Variants in ST8SIA4 observed in about 807,000 individuals in gnomAD.
The protein encoded by ST8SIA4 is CMP-N-acetylneuraminate-poly-alpha-2,8-sialyltransferase.
ST8SIA4 carries 15 observed loss-of-function variants against 33.9 expected under a neutral mutation model. The ratio of observed to expected loss-of-function variants is 0.44; its 90% confidence interval spans 0.30 to 0.68. The LOEUF is 0.68. ST8SIA4 is among the 30% of genes least tolerant of loss of function. The pLI is 0.10. For synonymous variants in ST8SIA4, 171 were observed against 151.2 expected (o/e 1.13, Z -0.96); for missense variants, 321 against 428.0 (o/e 0.75, Z 2.21).
intron 3 of ST8SIA4, among the ~76,000 whole-genome samples, chr5:100,879,563 T>A (rs988127288): frequency 6.6e-6 from 1 of 152,204 alleles, no homozygotes; most frequent in African/African-American, 2.4e-5. Context: ...AGATTTCAGA[T>A]GTGCACATGT....
At chr5:100,885,463 ATTCAAAAAT>A in intron 3 of ST8SIA4, 2 of 938,036 alleles carry the variant, frequency 2.1e-6, no homozygotes, top group Non-Finnish European at 2.5e-6. Context: ...TATTCAAAAT[ATTCAAAAAT>A]AATGTATTCC....
chr5:100,816,168 G>T (rs554403472), intron 4 of ST8SIA4, among the ~76,000 whole-genome samples: 1 of 152,062 alleles, frequency 6.6e-6, no homozygotes, highest in African/African-American at 2.4e-5. Context: ...CTTATTCCTT[G>T]TCTCCTTCCT....
intron 4 of ST8SIA4, among the ~76,000 whole-genome samples, chr5:100,840,513 A>AT (rs575386357): frequency 6.5e-4 from 98 of 151,856 alleles, no homozygotes; most frequent in African/African-American, 2.3e-3. Context: ...TGGTTAGAAA[A>AT]TCCCCAATCA....
chr5:100,850,799 AAC>A (rs200570378), intron 4 of ST8SIA4, among the ~76,000 whole-genome samples: 1 of 101,282 alleles, frequency 9.9e-6, no homozygotes, highest in African/African-American at 2.8e-5. Flanking sequence ...ATATATATAT[AAC>A]ATGTGTGTGT....
chr5:100,851,017 T>C (rs1163891056), intron 4 of ST8SIA4, among the ~76,000 whole-genome samples: 1 of 141,190 alleles, frequency 7.1e-6, no homozygotes, highest in Non-Finnish European at 1.5e-5. Context: ...TGGAGTGCAG[T>C]GGCATGATCT....
intron 4 of ST8SIA4, among the ~76,000 whole-genome samples, chr5:100,833,694 A>G (rs958121929): frequency 1.3e-5 from 2 of 152,162 alleles, no homozygotes; most frequent in Non-Finnish European, 2.9e-5. Context: ...ATTATACAAC[A>G]AAAAGGCCTC....
At chr5:100,898,271 T>C (rs1475786869) in intron 1 of ST8SIA4, among the ~76,000 whole-genome samples, 1 of 152,118 alleles carries the variant, frequency 6.6e-6, no homozygotes, top group Non-Finnish European at 1.5e-5. Context: ...CCAGCCTGGG[T>C]AACATCACAA....
intron 4 of ST8SIA4, among the ~76,000 whole-genome samples, chr5:100,822,724 T>C (rs1333161641): frequency 2.0e-5 from 3 of 152,086 alleles, no homozygotes; most frequent in African/African-American, 7.2e-5. Flanking sequence ...CTGGGTAAAA[T>C]AAGACTGAGA....
chr5:100,877,688 G>C (rs3776172), intron 3 of ST8SIA4, among the ~76,000 whole-genome samples: 2 of 152,120 alleles, frequency 1.3e-5, no homozygotes, highest in Non-Finnish European at 2.9e-5. Flanking sequence ...AAGGGAAAAC[G>C]TAGTACCAGA....
chr5:100,832,108 C>T (rs1205523676), intron 4 of ST8SIA4, among the ~76,000 whole-genome samples: 1 of 152,004 alleles, frequency 6.6e-6, no homozygotes, highest in African/African-American at 2.4e-5. Flanking sequence ...ACAAACACTC[C>T]ATATTTGGAT....
chr5:100,897,934 G>T (rs1410399195), intron 1 of ST8SIA4, among the ~76,000 whole-genome samples: 1 of 152,058 alleles, frequency 6.6e-6, no homozygotes, highest in Non-Finnish European at 1.5e-5. Context: ...AGCTACTTAT[G>T]AATAAAAATG....
Position 100,856,385 on chromosome 5 carries a change from G to C in ST8SIA4, c.515C>G (p.Ala172Gly). The C allele has an allele frequency of 6.2e-7, 1 of 1,612,822 alleles. No homozygotes were observed. Among genetic ancestry groups the C allele is most frequent in the Non-Finnish European group, 8.5e-7 (1 of 1,179,276 alleles). ...SHNFVIRCNL[A>G]PVVEFAADVG... is the part of the protein sequence containing the mutation. ...ATCTGCAGCAAACTCCACCACAGGA[G>C]CTAGATTACACCTGAAGAGGAAAAA... is the stretch of plus-strand genomic sequence containing the variant. The change falls in exon 4 of 5, where the codon GCT (alanine) becomes GGT (glycine). Residue 172 changes from alanine (A) to glycine (G), a missense_variant. Ala to Gly is a moderately conservative substitution (Grantham distance 60). Transcript: ENST00000231461.
rs531264645 is a variant in ST8SIA4, at chr5:100,900,738, G to A, written c.113+2105C>T. Among the ~76,000 whole-genome samples, 19 of 127,998 alleles carry A rather than the reference G, an allele frequency of 1.5e-4. No homozygotes were observed. In the South Asian group the frequency reaches 4.9e-3, roughly 33 times the overall value. 84.0% of individuals were successfully genotyped at this position (127,998 alleles called of 152,430 possible). A position where few individuals can be genotyped will look rare whatever the true frequency, so the allele number is the denominator to read the frequency against. On this transcript the variant is annotated intron_variant, in intron 1 of 4. Coordinates refer to ENST00000231461, the MANE Select transcript of ST8SIA4 (RefSeq NM_005668.6). ...AAGAAGGAGGAGCCAGTTGCCGACT[G>A]AGCTTTGAAAGTGACTTTGGGTGGG...
Position 100,880,586 on chromosome 5 carries a change from G to T in ST8SIA4, c.503+5757C>A, listed in dbSNP as rs115443978. Among the ~76,000 whole-genome samples, 853 of 152,284 alleles carry T rather than the reference G, an allele frequency of 5.6e-3. 12 individuals are homozygous for T. The highest frequency in any genetic ancestry group is 0.02 in the African/African-American group (831 of 41,548). ...ATTTTATAGAGTGTGGTAAGAAGCT[G>T]CTTTATGATGAAGAGAGACTTTGGC... On this transcript the variant is annotated intron_variant, in intron 3 of 4. Coordinates refer to ENST00000231461, the MANE Select transcript of ST8SIA4 (RefSeq NM_005668.6).
chr5:100,872,060 G>A (rs1039668881), intron 3 of ST8SIA4, among the ~76,000 whole-genome samples: 4 of 151,900 alleles, frequency 2.6e-5, no homozygotes, highest in East Asian at 1.9e-4. Flanking sequence ...CAGCAGATAC[G>A]TGAATACAAA....
chr5:100,831,611 CAG>C (rs1751263448), intron 4 of ST8SIA4, among the ~76,000 whole-genome samples: 1 of 151,986 alleles, frequency 6.6e-6, no homozygotes. Context: ...TTCCTTCATG[CAG>C]AGACACAACT....
At chr5:100,845,438 G>A (rs537689732) in intron 4 of ST8SIA4, among the ~76,000 whole-genome samples, 53 of 151,580 alleles carry the variant, frequency 3.5e-4, no homozygotes, top group Non-Finnish European at 4.3e-4. Flanking sequence ...CTCTGAATGC[G>A]TAATCGACCA....
Position 100,812,076 on chromosome 5 carries a change from A to C in ST8SIA4, c.851T>G (p.Met284Arg). Residue 284 changes from methionine to arginine, a missense_variant, in exon 5 of 5, where the codon ATG becomes AGG. By Grantham distance (91) the Met-to-Arg change is moderately conservative. Coordinates refer to ENST00000231461, the MANE Select transcript of ST8SIA4 (RefSeq NM_005668.6). ...ACAGAATCTTGTGGCAAGTGTATAC[A>C]TGAGAAGACCTGTGCTGGGTCTTTT... ...PIKRPSTGLLMYTLATRFCDE... is the reference protein window; with the variant it reads ...PIKRPSTGLLRYTLATRFCDE... 6.2e-7 allele frequency: 1 copy of C among 1,614,128 alleles called. No individual in the cohort carries two copies. Among genetic ancestry groups the C allele is most frequent in the Non-Finnish European group, 8.5e-7 (1 of 1,179,988 alleles).
intron 4 of ST8SIA4, among the ~76,000 whole-genome samples, chr5:100,850,566 C>T (rs1268302183): frequency 1.3e-5 from 2 of 151,674 alleles, no homozygotes; most frequent in Middle Eastern, 3.3e-3. Context: ...AGAATTAAAA[C>T]GTAAATATTT....
Sources: gnomAD v4.1 joint callset for allele counts (sites outside exome capture counted in the v4.1 genomes callset) on GRCh38, gnomAD v4.1.1 for gene constraint, MANE v1.5 for transcripts, NCBI Gene and HGNC (gene_info 2026-07-23, HGNC 2026-07-21) for gene names.